PDIA5: variants seen among roughly 807,000 people sequenced by gnomAD.
PDIA5 encodes protein disulfide isomerase family A member 5.
A neutral mutation model predicts 77.6 loss-of-function variants in PDIA5; 58 were observed. The observed-to-expected ratio is 0.75, with a 90% CI of 0.61 to 0.93. The LOEUF is 0.93. Among genes scored for constraint, PDIA5 ranks in the 40% least tolerant of loss-of-function variants. PDIA5 has a pLI of 0.00. For synonymous variants in PDIA5, 250 were observed against 252.1 expected, an observed-to-expected ratio of 0.99 and a Z score of 0.08; for missense variants, 630 against 647.7, an observed-to-expected ratio of 0.97 and a Z score of 0.30.
chr3:123,125,519 T>G (rs1560535862), intron 10 of PDIA5, among the ~76,000 whole-genome samples: 1 of 152,148 alleles, frequency 6.6e-6, no homozygotes, highest in Non-Finnish European at 1.5e-5. Context: ...TCCCCTCAGC[T>G]GCCGGCACAG....
At chr3:123,158,523 A>G (rs556306944) in intron 15 of PDIA5, among the ~76,000 whole-genome samples, 1 of 152,314 alleles carries the variant, frequency 6.6e-6, no homozygotes, top group African/African-American at 2.4e-5. Flanking sequence ...AGATGACTGG[A>G]TGAGTCACCA....
At chr3:123,071,221 C>G (rs1021004650) in intron 1 of PDIA5, among the ~76,000 whole-genome samples, 1 of 151,926 alleles carries the variant, frequency 6.6e-6, no homozygotes, top group Non-Finnish European at 1.5e-5. Flanking sequence ...AATAGCGAGG[C>G]TTAGGGAGGG....
Position 123,109,336 on chromosome 3 carries a change from G to A in PDIA5, c.481-1608G>A, listed in dbSNP as rs78203345. Among the ~76,000 whole-genome samples the A allele has an allele frequency of 5.7e-3, 865 of 152,292 alleles. 7 individuals carry two copies. The highest frequency in any genetic ancestry group is 0.012 in the South Asian group (58 of 4,824). ...TGAATGTAATATCTGTTACTACTCA[G>A]GGTATGAAACCAAATTGCTATAGGC... is the stretch of plus-strand genomic sequence containing the variant. On this transcript the variant is annotated intron_variant, in intron 6 of 16. Coordinates refer to ENST00000316218, the MANE Select transcript of PDIA5 (RefSeq NM_006810.4).
chr3:123,094,720 G>A (rs1392678768), intron 3 of PDIA5, among the ~76,000 whole-genome samples: 1 of 152,212 alleles, frequency 6.6e-6, no homozygotes, highest in African/African-American at 2.4e-5. Context: ...TAGGTGGCAC[G>A]GGGCCATGCT....
In PDIA5 at chr3:123,097,755, C is replaced by T. The variant is rs115232973; in HGVS notation, c.258-4656C>T. 6.1e-3 allele frequency among the ~76,000 whole-genome samples: 927 copies of T among 152,148 alleles called. 3 individuals are homozygous for T. The highest frequency in any genetic ancestry group is 0.012 in the Non-Finnish European group (802 of 67,990). On this transcript the variant is annotated intron_variant, in intron 3 of 16. Transcript: ENST00000316218. ...GCACTTTCTACGTTTCTTCTCCTAC[C>T]TGTCCCCAGGGCATCACAGGTCCAC...
At chr3:123,152,464 G>C (rs1935935749) in intron 14 of PDIA5, among the ~76,000 whole-genome samples, 1 of 152,138 alleles carries the variant, frequency 6.6e-6, no homozygotes. Flanking sequence ...GTGGGTTACA[G>C]GGGGAAGACT....
intron 8 of PDIA5, among the ~76,000 whole-genome samples, chr3:123,118,043 T>C (rs986616707): frequency 2.0e-5 from 3 of 152,178 alleles, no homozygotes; most frequent in Non-Finnish European, 4.4e-5. Flanking sequence ...TCAAATTAAG[T>C]GGTGATTAGC....
In PDIA5 at chr3:123,146,126, G is replaced by A; in HGVS notation, c.1009G>A (p.Ala337Thr). The change falls in exon 13 of 17, where the codon GCC becomes ACC. Residue 337 changes from alanine (A) to threonine (T), a missense_variant. Ala to Thr is a moderately conservative substitution (Grantham distance 58, BLOSUM62 0). Coordinates refer to ENST00000316218, the MANE Select transcript of PDIA5 (RefSeq NM_006810.4). Reference protein sequence around the residue: ...DSSGVLAAVDATVNKALAERF... With the variant: ...DSSGVLAAVDTTVNKALAERF... Reference sequence around the variant, plus strand: ...CTCTGGTGTCCTTGCAGCTGTCGATGCCACTGTCAACAAGGCCCTGGCAGA... The same window carrying A: ...CTCTGGTGTCCTTGCAGCTGTCGATACCACTGTCAACAAGGCCCTGGCAGA... The A allele has an allele frequency of 6.2e-7, 1 of 1,614,194 alleles. No homozygotes were observed. The highest frequency in any genetic ancestry group is 8.5e-7 in the Non-Finnish European group (1 of 1,180,032).
chr3:123,142,426 C>T (rs1034525307), intron 11 of PDIA5, among the ~76,000 whole-genome samples: 8 of 152,226 alleles, frequency 5.3e-5, no homozygotes, highest in Admixed American at 2.0e-4. Flanking sequence ...TAACACATGG[C>T]TCATGATGAT....
chr3:123,136,114 T>C (rs994972510), intron 11 of PDIA5, among the ~76,000 whole-genome samples: 12 of 151,994 alleles, frequency 7.9e-5, no homozygotes, highest in Non-Finnish European at 1.5e-4. Flanking sequence ...GGATTTCTTT[T>C]TGTAGAAATG....
chr3:123,113,408 C>G (rs1183286094), intron 7 of PDIA5, among the ~76,000 whole-genome samples: 1 of 152,056 alleles, frequency 6.6e-6, no homozygotes, highest in Non-Finnish European at 1.5e-5. Context: ...GAGGTGAGCA[C>G]AGTTATCATC....
intron 1 of PDIA5, among the ~76,000 whole-genome samples, chr3:123,078,086 G>A (rs548398978): frequency 2.0e-5 from 3 of 152,280 alleles, no homozygotes; most frequent in South Asian, 4.1e-4. Flanking sequence ...GGGATTACAG[G>A]CATGAGCCAC....
chr3:123,134,068 G>A (rs1323922925), intron 11 of PDIA5, among the ~76,000 whole-genome samples: 2 of 150,730 alleles, frequency 1.3e-5, no homozygotes, highest in African/African-American at 4.9e-5. Flanking sequence ...CTGTCACTCA[G>A]GCTGGAGTGC....
chr3:123,113,338 C>T (rs1280724149), intron 7 of PDIA5, among the ~76,000 whole-genome samples: 1 of 152,150 alleles, frequency 6.6e-6, no homozygotes, highest in African/African-American at 2.4e-5. Context: ...TGTGCTGTGC[C>T]CTCTCCCGCC....
intron 2 of PDIA5, among the ~76,000 whole-genome samples, chr3:123,090,299 G>A (rs1205719308): frequency 1.3e-5 from 2 of 152,250 alleles, no homozygotes; most frequent in East Asian, 3.9e-4. Context: ...AGGGAAAGGG[G>A]AAGCAGTGTC....
intron 6 of PDIA5, among the ~76,000 whole-genome samples, chr3:123,108,844 C>A (rs944660732): frequency 6.6e-6 from 1 of 151,916 alleles, no homozygotes; most frequent in African/African-American, 2.4e-5. Flanking sequence ...CGAGATCATG[C>A]CATTGCACTC....
At chr3:123,127,958 C>CG (rs1252773407) in intron 10 of PDIA5, among the ~76,000 whole-genome samples, 3 of 152,150 alleles carry the variant, frequency 2.0e-5, no homozygotes, top group African/African-American at 7.2e-5. Flanking sequence ...AAGGAGCTCA[C>CG]GGCCTGGGGT....
At chr3:123,092,245 C>A in intron 2 of PDIA5, 110 bp from the exon 3 acceptor site, 2 of 813,454 alleles carry the variant, frequency 2.5e-6, no homozygotes, top group Non-Finnish European at 4.1e-6. Flanking sequence ...CAGGACTTCT[C>A]CACCCCCTCT....
In PDIA5 at chr3:123,152,824, G is replaced by C. The variant is rs1008532305; in HGVS notation, c.1274-2147G>C. 2.0e-5 allele frequency among the ~76,000 whole-genome samples: 3 copies of C among 152,280 alleles called. No individual in the cohort carries two copies. The East Asian group carries it at 5.8e-4, about 29-fold the overall frequency. ...TTTCATTGTTCCTTTTACGCTGAAT[G>C]GTCTGGTCATGGTGACTGCCCTTCT... On this transcript the variant is annotated intron_variant, in intron 14 of 16. Transcript: ENST00000316218.
Sources: gnomAD v4.1 joint callset for allele counts (sites outside exome capture counted in the v4.1 genomes callset) on GRCh38, gnomAD v4.1.1 for gene constraint, MANE v1.5 for transcripts, NCBI Gene and HGNC (gene_info 2026-07-23, HGNC 2026-07-21) for gene names.